Variants in CCSER1 observed in about 807,000 individuals in gnomAD.
The protein encoded by CCSER1 is serine-rich coiled-coil domain-containing protein 1.
In CCSER1, 41 loss-of-function variants were observed where a neutral mutation model predicts 82.0. That is an observed-to-expected ratio of 0.50 (90% CI 0.39 to 0.65). CCSER1 has a LOEUF of 0.65. Ranked by LOEUF, CCSER1 falls within the 30% of genes least tolerant of loss-of-function variation. The pLI is 0.00. For missense variants in CCSER1, 1,119 were observed against 1,064.2 expected (o/e 1.05, Z -0.72); for synonymous variants, 414 against 383.9 (o/e 1.08, Z -0.92).
intron 10 of CCSER1, among the ~76,000 whole-genome samples, chr4:91,301,941 T>C (rs1744700600): frequency 6.6e-6 from 1 of 151,696 alleles, no homozygotes; most frequent in African/African-American, 2.4e-5. Context: ...TTACTCTATG[T>C]CCTTCCTTCC....
intron 9 of CCSER1, among the ~76,000 whole-genome samples, chr4:91,015,973 A>C (rs1739396563): frequency 6.6e-6 from 1 of 152,008 alleles, no homozygotes; most frequent in Non-Finnish European, 1.5e-5. Flanking sequence ...TACTTGATTT[A>C]TTAAGATTTC....
intron 10 of CCSER1, among the ~76,000 whole-genome samples, chr4:91,437,997 C>A (rs1384071182): frequency 6.6e-6 from 1 of 152,182 alleles, no homozygotes; most frequent in Admixed American, 6.5e-5. Flanking sequence ...CTGGGTGGAG[C>A]CCACCACAGC....
intron 10 of CCSER1, among the ~76,000 whole-genome samples, chr4:91,131,331 CT>C (rs34209878): frequency 0.45 from 61,401 of 137,550 alleles, 12,823 homozygotes; most frequent in East Asian, 0.66. Flanking sequence ...GTTCTCCCCT[CT>C]TTTTTTTTTT....
chr4:91,096,642 A>C (rs1322734412), intron 10 of CCSER1, among the ~76,000 whole-genome samples: 1 of 152,096 alleles, frequency 6.6e-6, no homozygotes, highest in Non-Finnish European at 1.5e-5. Flanking sequence ...ATTTCACACA[A>C]AGTTCTTAGT....
At chr4:91,042,897 G>C (rs377652719) in intron 9 of CCSER1, among the ~76,000 whole-genome samples, 1 of 152,106 alleles carries the variant, frequency 6.6e-6, no homozygotes. Context: ...GTATTTTAGG[G>C]ATCCTCAAAA....
chr4:90,210,344 T>C (rs1260696511), intron 1 of CCSER1, among the ~76,000 whole-genome samples: 1 of 152,198 alleles, frequency 6.6e-6, no homozygotes, highest in Non-Finnish European at 1.5e-5. Context: ...TGTCTTAAAG[T>C]TGAATTATGA....
chr4:91,461,393 T>G (rs908650481), intron 10 of CCSER1, among the ~76,000 whole-genome samples: 1 of 152,194 alleles, frequency 6.6e-6, no homozygotes, highest in Non-Finnish European at 1.5e-5. Context: ...GTAGAGTACC[T>G]AAGACCACAC....
chr4:90,356,896 CAG>C (rs1744460298), intron 3 of CCSER1, among the ~76,000 whole-genome samples: 1 of 151,764 alleles, frequency 6.6e-6, no homozygotes, highest in African/African-American at 2.4e-5. Context: ...TCTGAAAACT[CAG>C]GGGATTTAAG....
chr4:91,249,316 A>G (rs145252001), intron 10 of CCSER1, among the ~76,000 whole-genome samples: 53 of 152,244 alleles, frequency 3.5e-4, no homozygotes, highest in African/African-American at 1.3e-3. Flanking sequence ...TTCTTTTCCC[A>G]ATAGTTTAAG....
chr4:91,437,404 C>A (rs1172256422), intron 10 of CCSER1, among the ~76,000 whole-genome samples: 1 of 152,136 alleles, frequency 6.6e-6, no homozygotes, highest in African/African-American at 2.4e-5. Context: ...CAATTTGCAG[C>A]TACGTAATTA....
At chr4:90,764,181 C>T (rs943789276) in intron 7 of CCSER1, among the ~76,000 whole-genome samples, 6 of 152,060 alleles carry the variant, frequency 3.9e-5, no homozygotes, top group East Asian at 1.9e-4. Flanking sequence ...GTCTTCCCTT[C>T]GAGGTAGATT....
chr4:91,415,734 C>A (rs1169653162), intron 10 of CCSER1, among the ~76,000 whole-genome samples: 1 of 152,078 alleles, frequency 6.6e-6, no homozygotes, highest in Non-Finnish European at 1.5e-5. Flanking sequence ...TATGTTGAAC[C>A]AACCTTGCAT....
intron 10 of CCSER1, among the ~76,000 whole-genome samples, chr4:91,298,391 T>C (rs144128391): frequency 0.012 from 1,866 of 152,084 alleles, 19 homozygotes; most frequent in Non-Finnish European, 0.019. Context: ...TATGATGCCG[T>C]ATGTGGGAGC....
At chr4:91,104,545 A>G (rs947887004) in intron 10 of CCSER1, among the ~76,000 whole-genome samples, 2 of 152,236 alleles carry the variant, frequency 1.3e-5, no homozygotes, top group African/African-American at 2.4e-5. Context: ...AGAGACTTTC[A>G]GTCTTATACA....
At chr4:91,187,658 T>C (rs1452148699) in intron 10 of CCSER1, among the ~76,000 whole-genome samples, 2 of 152,156 alleles carry the variant, frequency 1.3e-5, no homozygotes, top group African/African-American at 4.8e-5. Flanking sequence ...TTCAAGAGAT[T>C]CTCCTTCCTC....
At chr4:90,298,285 G>A (rs1334033153) in intron 1 of CCSER1, among the ~76,000 whole-genome samples, 1 of 152,110 alleles carries the variant, frequency 6.6e-6, no homozygotes, top group Non-Finnish European at 1.5e-5. Context: ...TTATGTAGGG[G>A]TGTTTGTAGT....
At chr4:90,767,351 T>C (rs1184539673) in intron 7 of CCSER1, among the ~76,000 whole-genome samples, 1 of 152,156 alleles carries the variant, frequency 6.6e-6, no homozygotes, top group African/African-American at 2.4e-5. Flanking sequence ...GCACTTACAC[T>C]TTGGATTTGC....
rs571343393 is a variant in CCSER1, at chr4:90,701,663, A to C, written c.1933-22251A>C. Among the ~76,000 whole-genome samples, 66 of 152,136 alleles carry C rather than the reference A, an allele frequency of 4.3e-4. No homozygotes were observed. The South Asian group carries it at 8.3e-3, about 19-fold the overall frequency. On this transcript the variant is annotated intron_variant, in intron 6 of 10. Coordinates refer to ENST00000509176, the MANE Select transcript of CCSER1 (RefSeq NM_001145065.2). ...GTTTATGTCCTCTTTTACTTCATTG[A>C]GAAGTGGTTTGTAGTTTTCCTTCAC...
chr4:91,365,668 T>C (rs1749561678), intron 10 of CCSER1, among the ~76,000 whole-genome samples: 1 of 152,228 alleles, frequency 6.6e-6, no homozygotes, highest in Non-Finnish European at 1.5e-5. Flanking sequence ...TTTTTCCTTA[T>C]TTAATTCATC....
Sources: allele counts gnomAD v4.1 joint callset (sites outside exome capture counted in the v4.1 genomes callset), GRCh38; gene constraint gnomAD v4.1.1; transcripts MANE v1.5; gene names NCBI Gene and HGNC (gene_info 2026-07-23, HGNC 2026-07-21).